Variants in XRN2 observed in about 807,000 individuals in gnomAD.
XRN2 encodes the protein 5'-3' exoribonuclease 2.
Under a neutral mutation model 138.5 loss-of-function variants are expected in XRN2, and 44 were observed. The ratio of observed to expected loss-of-function variants is 0.32; its 90% confidence interval spans 0.25 to 0.41. The LOEUF is 0.41. Among genes scored for constraint, XRN2 ranks in the 10% least tolerant of loss-of-function variants. The pLI, the probability that XRN2 is intolerant of heterozygous loss-of-function variation, is 1.00. For missense variants in XRN2, 937 were observed against 1,169.3 expected (o/e 0.80, Z 2.90); for synonymous variants, 354 against 369.4 (o/e 0.96, Z 0.48).
At position 21,328,665 on chromosome 20, in the gene XRN2, C is replaced by G. The variant is rs1470435743; in HGVS notation, c.422C>G (p.Ala141Gly). ...CAGCGAGTCAGGGAAGAAATATTGG[C>G]AAAAGGTAAAGAATATGCATCTTGA... ...EKQRVREEIL[A>G]KGGFLPPEEI... Residue 141 changes from alanine (A) to glycine (G), a missense_variant, in exon 4 of 30, where the codon GCA becomes GGA. Coordinates refer to ENST00000377191, the MANE Select transcript of XRN2 (RefSeq NM_012255.5). 6.2e-7 allele frequency: 1 copy of G among 1,612,960 alleles called. No individual in the cohort carries two copies. Among genetic ancestry groups the G allele is most frequent in the Non-Finnish European group, 8.5e-7 (1 of 1,179,540 alleles).
chr20:21,354,976 AGG>A, intron 21 of XRN2, 104 bp downstream of exon 21: 1 of 860,766 alleles, frequency 1.2e-6, no homozygotes, highest in Non-Finnish European at 1.7e-6. Context: ...TTTCCCATAA[AGG>A]GGATATAAAT....
intron 27 of XRN2, among the ~76,000 whole-genome samples, chr20:21,373,596 C>T (rs1287093717): frequency 6.6e-6 from 1 of 152,234 alleles, no homozygotes; most frequent in Non-Finnish European, 1.5e-5. Flanking sequence ...ACTCCTCCAG[C>T]AGTGTAGGAG....
At chr20:21,308,880 T>C (rs1339017242) in intron 1 of XRN2, among the ~76,000 whole-genome samples, 3 of 151,996 alleles carry the variant, frequency 2.0e-5, no homozygotes, top group African/African-American at 7.2e-5. Flanking sequence ...AGGAATCCTT[T>C]GTCAAAGCCA....
chr20:21,367,788 T>G (rs926663644), intron 26 of XRN2, among the ~76,000 whole-genome samples: 4 of 152,148 alleles, frequency 2.6e-5, no homozygotes, highest in African/African-American at 9.7e-5. Context: ...AGTCTTAACT[T>G]TTTCCATTAT....
intron 14 of XRN2, 91 bp from the exon 15 acceptor site, chr20:21,340,630 T>C (rs1305571061): frequency 2.1e-6 from 3 of 1,438,788 alleles, no homozygotes; most frequent in Admixed American, 2.0e-5. Context: ...GCTTACAGTT[T>C]GGACTTTATT....
intron 4 of XRN2, among the ~76,000 whole-genome samples, chr20:21,330,220 G>A (rs1466544267): frequency 6.6e-6 from 1 of 152,070 alleles, no homozygotes; most frequent in Non-Finnish European, 1.5e-5. Context: ...GAAGGCGGAG[G>A]TTGCAGTGAG....
Position 21,356,191 on chromosome 20 carries a change from T to C in XRN2, c.2118+14T>C. ...GGTTCCACAGAGGTATGTTACGCAATTTGGTTAATTAGAAATGCACTTTTT... is the reference window on the plus strand; with the variant it reads ...GGTTCCACAGAGGTATGTTACGCAACTTGGTTAATTAGAAATGCACTTTTT... On this transcript the variant is annotated intron_variant, in intron 22 of 29. Coordinates refer to ENST00000377191, the MANE Select transcript of XRN2 (RefSeq NM_012255.5). 6.3e-7 allele frequency: 1 copy of C among 1,576,522 alleles called. No homozygotes were observed. The highest frequency in any genetic ancestry group is 8.6e-7 in the Non-Finnish European group (1 of 1,161,896).
intron 27 of XRN2, among the ~76,000 whole-genome samples, chr20:21,379,828 A>G (rs113996978): frequency 6.6e-6 from 1 of 152,200 alleles, no homozygotes; most frequent in Admixed American, 6.5e-5. Flanking sequence ...TTTGAGTCTA[A>G]TGAATATATA....
intron 1 of XRN2, among the ~76,000 whole-genome samples, chr20:21,318,745 T>C (rs2037995816): frequency 6.6e-6 from 1 of 152,130 alleles, no homozygotes; most frequent in African/African-American, 2.4e-5. Context: ...AATTTCCACA[T>C]ATTTGTGAAT....
At chr20:21,320,947 A>T (rs911844191) in intron 1 of XRN2, among the ~76,000 whole-genome samples, 1 of 152,148 alleles carries the variant, frequency 6.6e-6, no homozygotes, top group East Asian at 1.9e-4. Flanking sequence ...CCTGTAGTCC[A>T]GGCCTGTATC....
At chr20:21,358,503 A>G (rs1023099876) in intron 24 of XRN2, among the ~76,000 whole-genome samples, 1 of 152,158 alleles carries the variant, frequency 6.6e-6, no homozygotes, top group East Asian at 1.9e-4. Context: ...AAGCAAACAC[A>G]TCTCAGGTAT....
rs1366458355 is a variant in XRN2 at position 21,354,697 on chromosome 20, A to G, written c.1937-92A>G. 6 of 1,184,194 alleles carry G rather than the reference A, an allele frequency of 5.1e-6. No individual in the cohort carries two copies. The East Asian group carries it at 7.4e-5, about 15-fold the overall frequency. 73.4% of individuals were successfully genotyped at this position (1,184,194 alleles called of 1,614,324 possible). A position where few individuals can be genotyped will look rare whatever the true frequency, so the allele number is the denominator to read the frequency against. Reference sequence around the variant, plus strand: ...AAAATGTTTTTGTATCAGCAAGGAAACTCTACTAGAAACGTTCATTTCGAG... The same window carrying G: ...AAAATGTTTTTGTATCAGCAAGGAAGCTCTACTAGAAACGTTCATTTCGAG... On this transcript the variant is annotated intron_variant, in intron 20 of 29. Transcript: ENST00000377191.
At chr20:21,368,408 TATG>T in intron 26 of XRN2, 52 bp from the exon 27 acceptor site, 12 of 1,599,266 alleles carry the variant, frequency 7.5e-6, no homozygotes, top group Non-Finnish European at 1.0e-5. Flanking sequence ...TCAGCTGTGT[TATG>T]ATGGGTATAT....
Position 21,356,641 on chromosome 20 carries a change from A to G in XRN2, c.2174A>G (p.Asp725Gly). The change falls in exon 23 of 30, where the codon GAT (aspartate) becomes GGT (glycine). Residue 725 changes from aspartate (D) to glycine (G), a missense_variant. Asp to Gly is a moderately conservative substitution (Grantham distance 94, BLOSUM62 -1). Coordinates refer to ENST00000377191, the MANE Select transcript of XRN2 (RefSeq NM_012255.5). ...CHGIQGKFSL[D>G]EEAILPDQIV... Reference sequence around the variant, plus strand: ...GGGATTCAAGGAAAGTTTTCTTTGGATGAAGAAGCCATTCTTCCAGATCAG... The same window carrying G: ...GGGATTCAAGGAAAGTTTTCTTTGGGTGAAGAAGCCATTCTTCCAGATCAG... The G allele has an allele frequency of 6.2e-7, 1 of 1,613,660 alleles. No individual in the cohort carries two copies. Among genetic ancestry groups the G allele is most frequent in the East Asian group, 2.2e-5 (1 of 44,848 alleles).
chr20:21,382,232 G>A (rs571727144), intron 28 of XRN2, among the ~76,000 whole-genome samples, 175 bp downstream of exon 28: 2 of 152,236 alleles, frequency 1.3e-5, no homozygotes, highest in East Asian at 3.9e-4. Context: ...TGAATTAAAA[G>A]ACTCATGTTT....
intron 9 of XRN2, 136 bp from the exon 10 acceptor site, chr20:21,333,408 T>G: frequency 1.1e-6 from 1 of 893,948 alleles, no homozygotes; most frequent in South Asian, 1.6e-5. Context: ...TAAAATGCAT[T>G]GGTGAGCTTT....
At chr20:21,373,668 A>G (rs980100451) in intron 27 of XRN2, among the ~76,000 whole-genome samples, 1 of 152,184 alleles carries the variant, frequency 6.6e-6, no homozygotes, top group Non-Finnish European at 1.5e-5. Flanking sequence ...ACTTTTAGCT[A>G]TTTGACTAAG....
intron 20 of XRN2, among the ~76,000 whole-genome samples, chr20:21,352,128 G>A (rs571062214): frequency 3.3e-5 from 5 of 152,168 alleles, no homozygotes; most frequent in Non-Finnish European, 7.4e-5. Flanking sequence ...GCTTAGTAGC[G>A]AGAACACACT....
intron 27 of XRN2, among the ~76,000 whole-genome samples, chr20:21,379,077 A>G (rs1036947128): frequency 2.6e-5 from 4 of 152,202 alleles, no homozygotes; most frequent in African/African-American, 9.7e-5. Context: ...GTAAACATGG[A>G]ATCTTTTCTG....
Sources: gnomAD v4.1 joint callset for allele counts (sites outside exome capture counted in the v4.1 genomes callset) on GRCh38, gnomAD v4.1.1 for gene constraint, MANE v1.5 for transcripts, NCBI Gene and HGNC (gene_info 2026-07-23, HGNC 2026-07-21) for gene names.